The following RSRP1 variants were observed in gnomAD, a reference collection of about 807,000 sequenced individuals.
The protein encoded by RSRP1 is arginine and serine rich protein 1.
In RSRP1, 37 loss-of-function variants were observed where a neutral mutation model predicts 33.0. That is an observed-to-expected ratio of 1.12 (90% CI 0.86 to 1.48). The LOEUF is 1.48. RSRP1 is among the 40% of genes most tolerant of loss of function. RSRP1 has a pLI of 0.00. For missense variants in RSRP1, 402 were observed against 385.3 expected (o/e 1.04, Z -0.36); for synonymous variants, 167 against 158.7 (o/e 1.05, Z -0.40).
rs75145965 is a variant in RSRP1, at chr1:25,320,691, T to A, written c.-67+17287A>T. Among the ~76,000 whole-genome samples the A allele has an allele frequency of 4.0e-3, 534 of 132,300 alleles. 129 individuals carry two copies. The highest frequency in any genetic ancestry group is 7.3e-3 in the Non-Finnish European group (405 of 55,824). 86.8% of individuals were successfully genotyped at this position (132,300 alleles called of 152,430 possible). On this transcript the variant is annotated intron_variant, in intron 1 of 1. Transcript: ENST00000561867. Reference sequence around the variant, plus strand: ...CATTCCATGTGTCCTGTGAAATTCATCCAACTTCAGGAAGCTGGAGGAATA... The same window carrying A: ...CATTCCATGTGTCCTGTGAAATTCAACCAACTTCAGGAAGCTGGAGGAATA...
intron 1 of RSRP1, among the ~76,000 whole-genome samples, chr1:25,262,368 C>T (rs2124563978): frequency 6.6e-6 from 1 of 152,302 alleles, no homozygotes; most frequent in Admixed American, 6.5e-5. Context: ...CCTCATGAAA[C>T]TTGTATTCTA....
Position 25,296,411 on chromosome 1 carries a change from A to G in RSRP1, c.-67+41567T>C, listed in dbSNP as rs1178441484. Among the ~76,000 whole-genome samples, 17 of 117,678 alleles carry G rather than the reference A, an allele frequency of 1.4e-4. 5 individuals are homozygous for G. Among genetic ancestry groups the G allele is most frequent in the Non-Finnish European group, 3.4e-4 (17 of 49,438 alleles). The allele number at this position is 117,678 out of a possible 152,430, so 77.2% of individuals were successfully genotyped here. ...AGGGGCATGCCACCATGCCCAGTTAATTTTTGTATTTTTAGTAGAGATGGA... is the reference window on the plus strand; with the variant it reads ...AGGGGCATGCCACCATGCCCAGTTAGTTTTTGTATTTTTAGTAGAGATGGA... On this transcript the variant is annotated intron_variant, in intron 1 of 1. Coordinates refer to the RSRP1 transcript ENST00000561867.
chr1:25,247,094 C>T, intron 1 of RSRP1, 65 bp from the exon 2 acceptor site: 2 of 1,031,964 alleles, frequency 1.9e-6, no homozygotes, highest in Admixed American at 3.2e-5. Flanking sequence ...ACCCGGAAGC[C>T]ACAGTCGGGG....
chr1:25,242,671 T>G lies in RSRP1; in HGVS notation c.791A>C (p.Lys264Thr). The stretch of plus-strand genomic sequence containing the variant: ...TGAAGATGCCTCTTCTGTGGCAGCT[T>G]TAGCTGATTTTTGTATTGGCTTTGC... ...SVAKPIQKSAKAATEEASSRS... is the reference protein window; with the variant it reads ...SVAKPIQKSATAATEEASSRS... Residue 264 changes from lysine to threonine, a missense_variant, in exon 5 of 5, where the codon AAA becomes ACA. By Grantham distance (78) the Lys-to-Thr change is moderately conservative (BLOSUM62 -1). Coordinates refer to ENST00000243189, the MANE Select transcript of RSRP1 (RefSeq NM_020317.5). 1 of 1,610,620 alleles carries G rather than the reference T, an allele frequency of 6.2e-7. No individual in the cohort carries two copies.
chr1:25,275,038 C>T (rs1311132952), intron 1 of RSRP1, among the ~76,000 whole-genome samples: 3 of 131,016 alleles, frequency 2.3e-5, no homozygotes, highest in African/African-American at 7.8e-5. Flanking sequence ...CCTGTAATCC[C>T]AAACACTTTG....
At chr1:25,258,226 G>A (rs1640009537) in intron 1 of RSRP1, among the ~76,000 whole-genome samples, 1 of 152,160 alleles carries the variant, frequency 6.6e-6, no homozygotes, top group African/African-American at 2.4e-5. Flanking sequence ...TGTTGCCCAA[G>A]CTGGAGTGCA....
At chr1:25,258,899 G>A (rs1571538952) in intron 1 of RSRP1, among the ~76,000 whole-genome samples, 1 of 152,122 alleles carries the variant, frequency 6.6e-6, no homozygotes, top group Non-Finnish European at 1.5e-5. Context: ...GTTCGCGCAG[G>A]CACTGGAGTC....
At chr1:25,259,801 G>A (rs1277189149) in intron 1 of RSRP1, among the ~76,000 whole-genome samples, 1 of 152,114 alleles carries the variant, frequency 6.6e-6, no homozygotes, top group Non-Finnish European at 1.5e-5. Context: ...ACCGTGCCCA[G>A]CCTATACTTC....
Position 25,332,029 on chromosome 1 carries a change from C to T in RSRP1, c.-67+5949G>A, listed in dbSNP as rs1449810007. ...TGCTGGGATTACAGGCATGAGCCAC[C>T]GCGCCCAGCAGATTTTTTTTTTTTT... On this transcript the variant is annotated intron_variant, in intron 1 of 1. Coordinates refer to the RSRP1 transcript ENST00000561867. Among the ~76,000 whole-genome samples the T allele has an allele frequency of 1.8e-4, 21 of 119,742 alleles. 3 individuals are homozygous for T. Among genetic ancestry groups the T allele is most frequent in the Admixed American group, 1.6e-3 (20 of 12,134 alleles). 78.6% of individuals were successfully genotyped at this position (119,742 alleles called of 152,430 possible).
In RSRP1 at chr1:25,297,525, A is replaced by G. The variant is rs1166344014; in HGVS notation, c.-67+40453T>C. 1.6e-5 allele frequency among the ~76,000 whole-genome samples: 2 copies of G among 126,912 alleles called. 1 individual carries two copies. The highest frequency in any genetic ancestry group is 1.6e-4 in the Admixed American group (2 of 12,884). 83.3% of individuals were successfully genotyped at this position (126,912 alleles called of 152,430 possible). A position where few individuals can be genotyped will look rare whatever the true frequency, so the allele number is the denominator to read the frequency against. ...AGTGTTCATTGATTCTTCCCTGAAT[A>G]AATTAGTACTATAATAATTGCCAAT... On this transcript the variant is annotated intron_variant, in intron 1 of 1. Coordinates refer to the RSRP1 transcript ENST00000561867.
Position 25,246,695 on chromosome 1 carries a change from C to T in RSRP1, c.269G>A (p.Ser90Asn), listed in dbSNP as rs1259699976. 2 of 1,607,784 alleles carry T rather than the reference C, an allele frequency of 1.2e-6. No homozygotes were observed. Among genetic ancestry groups the T allele is most frequent in the South Asian group, 1.1e-5 (1 of 90,966 alleles). ...SYSRSRSRSR[S>N]RRYRERRYGF... is the part of the protein sequence containing the mutation. ...GTAGCGCCTCTCTCGGTAACGGCGG[C>T]TGCGGGATCGCGACCGGCTCCGCGA... The change falls in exon 2 of 5, where the codon AGC becomes AAC. Residue 90 changes from serine (S) to asparagine (N), a missense_variant. Physicochemically the swap from Ser to Asn is conservative, Grantham distance 46. Coordinates refer to ENST00000243189, the MANE Select transcript of RSRP1 (RefSeq NM_020317.5).
rs1188490626 is a variant in RSRP1, at chr1:25,330,488, T to C, written c.-67+7490A>G. On this transcript the variant is annotated intron_variant, in intron 1 of 1. Transcript: ENST00000561867. The stretch of plus-strand genomic sequence containing the variant: ...TAAATGTAGTTGCATACAGAAAATG[T>C]GACTGTGAATTAATTTTTCTAGGAC... The C allele has an allele frequency of 2.3e-5, 3 of 133,214 alleles. 1 individual carries two copies. Among genetic ancestry groups the C allele is most frequent in the African/African-American group, 7.7e-5 (3 of 39,086 alleles). The allele number at this position is 133,214 out of a possible 1,614,324, so 8.3% of individuals were successfully genotyped here.
intron 1 of RSRP1, among the ~76,000 whole-genome samples, chr1:25,264,154 G>T (rs971931985): frequency 6.6e-6 from 1 of 151,826 alleles, no homozygotes; most frequent in East Asian, 1.9e-4. Context: ...GCAAGCTGTC[G>T]GTGGATCTAC....
At chr1:25,243,675 C>T in intron 3 of RSRP1, 42 bp from the exon 4 acceptor site, 2 of 1,605,780 alleles carry the variant, frequency 1.2e-6, no homozygotes, top group Non-Finnish European at 1.7e-6. Flanking sequence ...AACACATACC[C>T]TTGGTTTCTA....
intron 1 of RSRP1, among the ~76,000 whole-genome samples, chr1:25,260,685 T>C (rs1401377510): frequency 6.6e-6 from 1 of 152,214 alleles, no homozygotes; most frequent in Non-Finnish European, 1.5e-5. Flanking sequence ...AAGTTCAAGG[T>C]GCCGGCAAGG....
At position 25,334,623 on chromosome 1, in the gene RSRP1, C is replaced by T. The variant is rs2765575; in HGVS notation, c.-67+3355G>A. 1.9e-3 allele frequency among the ~76,000 whole-genome samples: 248 copies of T among 131,864 alleles called. 5 individuals carry two copies. Among genetic ancestry groups the T allele is most frequent in the African/African-American group, 5.9e-3 (222 of 37,824 alleles). The allele number at this position is 131,864 out of a possible 152,430, so 86.5% of individuals were successfully genotyped here. On this transcript the variant is annotated intron_variant, in intron 1 of 1. Coordinates refer to the RSRP1 transcript ENST00000561867. ...CAGAGGATCTCCATGAGGGCCCTGC[C>T]CCTGCAGCAAACTTCTGCCTGGGCA... is the stretch of plus-strand genomic sequence containing the variant.
intron 1 of RSRP1, chr1:25,267,828 G>C (rs1382935293): frequency 4.6e-5 from 6 of 130,654 alleles, no homozygotes; most frequent in African/African-American, 1.6e-4. Flanking sequence ...CTCTCAAATG[G>C]CGTACTCCAA....
Position 25,246,540 on chromosome 1 carries a change from A to C in RSRP1, c.424T>G (p.Phe142Val). The change falls in exon 2 of 5, where the codon TTT becomes GTT. Residue 142 changes from phenylalanine (F) to valine (V), a missense_variant. Coordinates refer to ENST00000243189, the MANE Select transcript of RSRP1 (RefSeq NM_020317.5). ...TCCTCCGGGTACACTGTGCGACCAA[A>C]GCCGTAGTAGCGCTGTCCCCGCGCG... ...AIARGQRYYGFGRTVYPEEHS... is the reference protein window; with the variant it reads ...AIARGQRYYGVGRTVYPEEHS... 1 of 1,614,188 alleles carries C rather than the reference A, an allele frequency of 6.2e-7. No homozygotes were observed. The highest frequency in any genetic ancestry group is 8.5e-7 in the Non-Finnish European group (1 of 1,180,032).
rs1205729971 is a variant in RSRP1, at chr1:25,313,655, C to A, written c.-67+24323G>T. Among the ~76,000 whole-genome samples, 3 of 132,214 alleles carry A rather than the reference C, an allele frequency of 2.3e-5. 1 individual carries two copies. Among genetic ancestry groups the A allele is most frequent in the Non-Finnish European group, 5.4e-5 (3 of 55,784 alleles). The allele number at this position is 132,214 out of a possible 152,430, so 86.7% of individuals were successfully genotyped here. A position where few individuals can be genotyped will look rare whatever the true frequency, so the allele number is the denominator to read the frequency against. ...CATGCAGGGCCACACAAAACTGTATCATCCAGGGACCAGGCAGCAGAAAGA... is the reference window on the plus strand; with the variant it reads ...CATGCAGGGCCACACAAAACTGTATAATCCAGGGACCAGGCAGCAGAAAGA... On this transcript the variant is annotated intron_variant, in intron 1 of 1. Transcript: ENST00000561867.
Sources: allele counts gnomAD v4.1 joint callset (sites outside exome capture counted in the v4.1 genomes callset), GRCh38; gene constraint gnomAD v4.1.1; transcripts MANE v1.5; gene names NCBI Gene and HGNC (gene_info 2026-07-23, HGNC 2026-07-21).